PDE1A: variants seen among roughly 807,000 people sequenced by gnomAD.
PDE1A encodes the protein dual specificity calcium/calmodulin-dependent 3',5'-cyclic nucleotide phosphodiesterase 1A.
Under a neutral mutation model 61.7 loss-of-function variants are expected in PDE1A, and 35 were observed. The observed-to-expected ratio is 0.57, with a 90% CI of 0.43 to 0.75. The LOEUF is 0.75. PDE1A is among the 30% of genes least tolerant of loss of function. The pLI is 0.00. For synonymous variants in PDE1A, 232 were observed against 213.2 expected (o/e 1.09, Z -0.77); for missense variants, 597 against 630.6 (o/e 0.95, Z 0.57).
exon 14 of PDE1A, chr2:182,147,099 G>A (rs1165894910): frequency 6.2e-7 from 1 of 1,606,612 alleles, no homozygotes; most frequent in Admixed American, 1.7e-5. Context: ...GTCTCATCAT[G>A]TTTTTCTTCA....
chr2:182,289,214 A>G (rs2125879023), intron 1 of PDE1A, among the ~76,000 whole-genome samples: 1 of 152,228 alleles, frequency 6.6e-6, no homozygotes, highest in Admixed American at 6.6e-5. Flanking sequence ...AGAAAATTGC[A>G]TAAATTAATT....
the PDE1A span, among the ~76,000 whole-genome samples, chr2:182,546,469 C>T: frequency 1.3e-5 from 2 of 152,006 alleles, no homozygotes; most frequent in East Asian, 3.9e-4. Context: ...GAGGGCTGTG[C>T]ATCAAAAGGC....
At chr2:182,399,576 A>G (rs978163101) in intron 1 of PDE1A, among the ~76,000 whole-genome samples, 3 of 152,106 alleles carry the variant, frequency 2.0e-5, no homozygotes, top group African/African-American at 7.2e-5. Flanking sequence ...TTGTAATAGT[A>G]TATGTATCCT....
intron 13 of PDE1A, among the ~76,000 whole-genome samples, chr2:182,178,905 G>A (rs1684516365): frequency 6.6e-6 from 1 of 152,056 alleles, no homozygotes; most frequent in African/African-American, 2.4e-5. Context: ...AATGGGGGCT[G>A]TCTGTCTGGA....
the PDE1A span, among the ~76,000 whole-genome samples, chr2:182,612,984 C>A: frequency 6.6e-6 from 1 of 152,122 alleles, no homozygotes; most frequent in African/African-American, 2.4e-5. Flanking sequence ...TTTACTCACA[C>A]TGAATCTGCA....
At chr2:182,504,920 T>A (rs1396355664) in intron 2 of PDE1A, among the ~76,000 whole-genome samples, 1 of 152,254 alleles carries the variant, frequency 6.6e-6, no homozygotes, top group Non-Finnish European at 1.5e-5. Context: ...TACCTTGCTT[T>A]GTAAGTTTCT....
At chr2:182,405,663 A>C (rs7593755) in intron 1 of PDE1A, among the ~76,000 whole-genome samples, 7,338 of 152,236 alleles carry the variant, frequency 0.048, 595 homozygotes, top group African/African-American at 0.17. Context: ...CAAAGGGTAC[A>C]AAGTTTGAGT....
chr2:182,335,805 G>T (rs1272881690), intron 1 of PDE1A, among the ~76,000 whole-genome samples: 1 of 152,108 alleles, frequency 6.6e-6, no homozygotes, highest in Non-Finnish European at 1.5e-5. Context: ...CATAGCAAAA[G>T]AAACTATCAT....
chr2:182,298,739 G>A (rs1454514564), intron 1 of PDE1A, among the ~76,000 whole-genome samples: 1 of 151,994 alleles, frequency 6.6e-6, no homozygotes, highest in Non-Finnish European at 1.5e-5. Context: ...TTCTATAGGA[G>A]GAAGGTGATT....
At chr2:182,641,831 G>T in the PDE1A span, among the ~76,000 whole-genome samples, 1 of 152,220 alleles carries the variant, frequency 6.6e-6, no homozygotes, top group East Asian at 1.9e-4. Context: ...TGCTCTCCCA[G>T]GTACATGAAA....
intron 1 of PDE1A, among the ~76,000 whole-genome samples, chr2:182,283,340 A>G (rs947289002): frequency 6.6e-6 from 1 of 152,024 alleles, no homozygotes; most frequent in Non-Finnish European, 1.5e-5. Flanking sequence ...AAACTGGTAT[A>G]TATCTTTGAA....
chr2:182,464,574 G>T lies in PDE1A; in HGVS notation c.101+57702C>A, dbSNP rs1311606317. On this transcript the variant is annotated intron_variant, in intron 2 of 14. Transcript: ENST00000410103. ...TCTTTGTCAAAGAAAAACCAGAGCT[G>T]GATAGTAGTTAACATGGTAAAAAAA... 2.6e-4 allele frequency among the ~76,000 whole-genome samples: 39 copies of T among 151,936 alleles called. 1 individual carries two copies. The highest frequency in any genetic ancestry group is 2.6e-3 in the Admixed American group (39 of 15,236).
rs1213596624 is a variant in PDE1A at position 182,175,519 on chromosome 2, T to A, written c.1517-7229A>T. 4.3e-5 allele frequency among the ~76,000 whole-genome samples: 6 copies of A among 138,802 alleles called. No homozygotes were observed. The Admixed American group carries it at 4.5e-4, about 10-fold the overall frequency. 91.1% of individuals were successfully genotyped at this position (138,802 alleles called of 152,430 possible). On this transcript the variant is annotated intron_variant, in intron 13 of 13. Coordinates refer to ENST00000351439, the Ensembl canonical transcript of PDE1A. ...GTCTGTTCATGTCCTTTGCCCACTT[T>A]TTGATGGGGTTGTTTGTTTTTTTCT... is the stretch of plus-strand genomic sequence containing the variant.
intron 7 of PDE1A, among the ~76,000 whole-genome samples, chr2:182,212,203 T>TGTTTCAAGAC (rs1270394787): frequency 2.0e-5 from 1 of 50,538 alleles, no homozygotes; most frequent in Non-Finnish European, 3.7e-5. Flanking sequence ...AAATTATATA[T>TGTTTCAAGAC]ATTACGTACG....
At chr2:182,517,652 T>A (rs1034519718) in intron 2 of PDE1A, among the ~76,000 whole-genome samples, 5 of 152,146 alleles carry the variant, frequency 3.3e-5, no homozygotes, top group African/African-American at 1.2e-4. Context: ...AAAAAACTAA[T>A]CTAGTCTGGA....
At chr2:182,372,241 C>T (rs1183935498) in intron 1 of PDE1A, among the ~76,000 whole-genome samples, 1 of 152,150 alleles carries the variant, frequency 6.6e-6, no homozygotes, top group Non-Finnish European at 1.5e-5. Flanking sequence ...AACTCATCTA[C>T]TGCATAACTG....
At chr2:182,589,195 G>A in the PDE1A span, among the ~76,000 whole-genome samples, 10 of 142,118 alleles carry the variant, frequency 7.0e-5, 1 homozygote, top group African/African-American at 2.6e-4. Context: ...AAGGGAAGAA[G>A]GAAAGGAAAG....
the PDE1A span, among the ~76,000 whole-genome samples, chr2:182,563,021 A>C: frequency 6.6e-6 from 1 of 152,000 alleles, no homozygotes; most frequent in African/African-American, 2.4e-5. Flanking sequence ...TGGATTCATT[A>C]ATTTTTTGAA....
At chr2:182,461,063 T>G (rs1361418959) in intron 2 of PDE1A, among the ~76,000 whole-genome samples, 1 of 152,160 alleles carries the variant, frequency 6.6e-6, no homozygotes, top group African/African-American at 2.4e-5. Flanking sequence ...CTATGAGTGG[T>G]CAGAAGGTGA....
Sources: gnomAD v4.1 joint callset for allele counts (sites outside exome capture counted in the v4.1 genomes callset) on GRCh38, gnomAD v4.1.1 for gene constraint, MANE v1.5 for transcripts, NCBI Gene and HGNC (gene_info 2026-07-23, HGNC 2026-07-21) for gene names.